ZNF560: variants seen among roughly 807,000 people sequenced by gnomAD.
ZNF560 encodes zinc finger protein 560.
A neutral mutation model predicts 81.8 loss-of-function variants in ZNF560; 54 were observed. That is an observed-to-expected ratio of 0.66 (90% CI 0.53 to 0.83). The LOEUF (loss-of-function observed/expected upper bound fraction) is 0.83. Among genes scored for constraint, ZNF560 ranks in the 40% least tolerant of loss-of-function variants. The pLI, the probability that ZNF560 is intolerant of heterozygous loss-of-function variation, is 0.00. For missense variants in ZNF560, 940 were observed against 932.4 expected, an observed-to-expected ratio of 1.01 and a Z score of -0.11; for synonymous variants, 321 against 317.9, an observed-to-expected ratio of 1.01 and a Z score of -0.10.
chr19:9,457,672 T>A, the ZNF560 span, among the ~76,000 whole-genome samples: 1 of 152,194 alleles, frequency 6.6e-6, no homozygotes, highest in East Asian at 1.9e-4. Flanking sequence ...TACGTCTACT[T>A]GGGGGCCTTA....
chr19:9,490,802 C>T (rs1453364008), intron 2 of ZNF560, among the ~76,000 whole-genome samples: 2 of 152,104 alleles, frequency 1.3e-5, no homozygotes, highest in African/African-American at 2.4e-5. Context: ...ATAAGAGTCA[C>T]CACAGGGGAG....
At chr19:9,449,674 TAAGAA>T in the ZNF560 span, among the ~76,000 whole-genome samples, 1 of 152,104 alleles carries the variant, frequency 6.6e-6, no homozygotes, top group African/African-American at 2.4e-5. Context: ...GCACCCCACT[TAAGAA>T]CTGAAAAGGC....
At chr19:9,463,420 C>A (rs1044525995), downstream of ZNF560, among the ~76,000 whole-genome samples, 4 of 152,126 alleles carry the variant, frequency 2.6e-5, no homozygotes, top group Non-Finnish European at 5.9e-5. Context: ...GCTCATACTC[C>A]AACAACTGTG....
Position 9,467,689 on chromosome 19 carries a change from T to C in ZNF560, c.1258A>G (p.Ile420Val). Residue 420 changes from isoleucine to valine, a missense_variant, in exon 10 of 10, where the codon ATT (isoleucine) becomes GTT (valine). Coordinates refer to ENST00000301480, the MANE Select transcript of ZNF560 (RefSeq NM_152476.3). Reference protein sequence around the residue: ...GKAFGTSAGLIEHIRCHAREK... With the variant: ...GKAFGTSAGLVEHIRCHAREK... ...CTGGCGTGACATCTTATATGTTCAA[T>C]AAGGCCTGCAGATGTACCAAAGGCT... is the stretch of plus-strand genomic sequence containing the variant. 6.2e-7 allele frequency: 1 copy of C among 1,613,982 alleles called. No individual in the cohort carries two copies. Among genetic ancestry groups the C allele is most frequent in the Non-Finnish European group, 8.5e-7 (1 of 1,179,988 alleles).
intron 2 of ZNF560, among the ~76,000 whole-genome samples, chr19:9,488,255 G>A (rs8101154): frequency 0.024 from 3,673 of 152,250 alleles, 155 homozygotes; most frequent in African/African-American, 0.085. Flanking sequence ...ATCAGAAGTA[G>A]AGCAGATGCT....
the ZNF560 span, among the ~76,000 whole-genome samples, chr19:9,447,683 A>G: frequency 2.6e-5 from 4 of 152,140 alleles, no homozygotes; most frequent in Non-Finnish European, 5.9e-5. Flanking sequence ...AAAAAATGTA[A>G]GGAACAAAGT....
the ZNF560 span, among the ~76,000 whole-genome samples, chr19:9,453,906 C>G: frequency 6.6e-6 from 1 of 152,168 alleles, no homozygotes; most frequent in Non-Finnish European, 1.5e-5. Context: ...AAGAATATTG[C>G]TTGGAACAGG....
At chr19:9,491,350 G>A (rs2073469981) in intron 2 of ZNF560, among the ~76,000 whole-genome samples, 2 of 151,914 alleles carry the variant, frequency 1.3e-5, no homozygotes, top group African/African-American at 4.8e-5. Context: ...TCGAACTCCT[G>A]GCCTCAAGCA....
At chr19:9,446,361 G>A in the ZNF560 span, among the ~76,000 whole-genome samples, 1 of 126,544 alleles carries the variant, frequency 7.9e-6, no homozygotes, top group African/African-American at 3.3e-5. Context: ...ATTTTGCCAA[G>A]TCATACACAC....
chr19:9,478,905 C>T (rs886437751), intron 2 of ZNF560, among the ~76,000 whole-genome samples: 2 of 152,068 alleles, frequency 1.3e-5, no homozygotes, highest in African/African-American at 2.4e-5. Flanking sequence ...TGCCTCATGC[C>T]ACTAATCCCT....
intron 2 of ZNF560, among the ~76,000 whole-genome samples, chr19:9,483,180 G>A (rs868222576): frequency 1.3e-5 from 2 of 151,528 alleles, no homozygotes; most frequent in Non-Finnish European, 2.9e-5. Context: ...GAAGTGAGGA[G>A]TGCCTCTTCC....
intron 1 of ZNF560, 38 bp downstream of exon 1, chr19:9,498,500 G>A (rs1308767114): frequency 6.6e-6 from 1 of 152,552 alleles, no homozygotes; most frequent in African/African-American, 2.4e-5. Flanking sequence ...GCCACCCCCC[G>A]AAACACCGCC....
the ZNF560 span, among the ~76,000 whole-genome samples, chr19:9,453,519 G>A: frequency 6.6e-6 from 1 of 151,948 alleles, no homozygotes; most frequent in Non-Finnish European, 1.5e-5. Context: ...ACAGCAAAAG[G>A]CACAAATACT....
downstream of ZNF560, among the ~76,000 whole-genome samples, chr19:9,463,337 G>A (rs754889927): frequency 1.3e-5 from 2 of 152,152 alleles, no homozygotes; most frequent in Non-Finnish European, 2.9e-5. Context: ...ATTTCTTAGT[G>A]ATACATCACT....
chr19:9,479,225 G>GT (rs915056074), intron 2 of ZNF560, among the ~76,000 whole-genome samples: 1 of 150,914 alleles, frequency 6.6e-6, no homozygotes, highest in Non-Finnish European at 1.5e-5. Context: ...AATGGCAGTA[G>GT]TAAGTACCTA....
At position 9,492,640 on chromosome 19, in the gene ZNF560, G is replaced by A. The variant is rs547521363; in HGVS notation, c.-57+5488C>T. On this transcript the variant is annotated intron_variant, in intron 2 of 9. Coordinates refer to ENST00000301480, the MANE Select transcript of ZNF560 (RefSeq NM_152476.3). ...CAGAAGCAGCTAGTCTAAATGAAAG[G>A]TGAAATAGCTTACTGAAAATTCAGA... is the stretch of plus-strand genomic sequence containing the variant. Among the ~76,000 whole-genome samples the A allele has an allele frequency of 1.3e-4, 20 of 152,306 alleles. No individual in the cohort carries two copies. The South Asian group carries it at 2.7e-3, about 21-fold the overall frequency.
chr19:9,502,178 A>AT (rs1251423383), upstream of ZNF560, among the ~76,000 whole-genome samples: 2 of 150,390 alleles, frequency 1.3e-5, no homozygotes, highest in Non-Finnish European at 3.0e-5. Flanking sequence ...GAAAAAAAAA[A>AT]GTGTTCTCTC....
At chr19:9,504,542 C>T in the ZNF560 span, among the ~76,000 whole-genome samples, 3 of 152,192 alleles carry the variant, frequency 2.0e-5, no homozygotes, top group African/African-American at 7.2e-5. Context: ...TGTGTGTTCT[C>T]ATGATATCAG....
intron 2 of ZNF560, among the ~76,000 whole-genome samples, chr19:9,480,558 T>A (rs1330178477): frequency 6.7e-6 from 1 of 148,654 alleles, no homozygotes; most frequent in Non-Finnish European, 1.5e-5. Flanking sequence ...CTGAAATAAA[T>A]GAAACTAAAA....
Sources: gnomAD v4.1 joint callset for allele counts (sites outside exome capture counted in the v4.1 genomes callset) on GRCh38, gnomAD v4.1.1 for gene constraint, MANE v1.5 for transcripts, NCBI Gene and HGNC (gene_info 2026-07-23, HGNC 2026-07-21) for gene names.